IMPG1: variants seen among roughly 807,000 people sequenced by gnomAD.
IMPG1 encodes the protein interphotoreceptor matrix proteoglycan of 150 kDa.
IMPG1 carries 85 observed loss-of-function variants against 92.0 expected under a neutral mutation model. The observed-to-expected ratio is 0.92, with a 90% CI of 0.78 to 1.11. The LOEUF (loss-of-function observed/expected upper bound fraction) is 1.11. IMPG1 is among the 50% of genes least tolerant of loss of function. The pLI is 0.00. For missense variants in IMPG1, 1,022 were observed against 956.0 expected, an observed-to-expected ratio of 1.07 and a Z score of -0.91; for synonymous variants, 367 against 334.1, an observed-to-expected ratio of 1.10 and a Z score of -1.08.
chr6:76,062,629 G>A (rs1784225851), intron 1 of IMPG1, among the ~76,000 whole-genome samples: 1 of 152,132 alleles, frequency 6.6e-6, no homozygotes, highest in South Asian at 2.1e-4. Flanking sequence ...CAATCGTTAT[G>A]CTTACCAGCT....
At chr6:76,002,611 T>C (rs944419582) in intron 12 of IMPG1, among the ~76,000 whole-genome samples, 2 of 152,086 alleles carry the variant, frequency 1.3e-5, no homozygotes, top group African/African-American at 2.4e-5. Flanking sequence ...CCAGAGGAGA[T>C]TGTTGTTCTG....
chr6:75,964,416 C>A (rs1310592616), intron 12 of IMPG1, among the ~76,000 whole-genome samples: 2 of 152,058 alleles, frequency 1.3e-5, no homozygotes, highest in African/African-American at 2.4e-5. Flanking sequence ...CAGTGGCTCA[C>A]GCCTGTAATC....
chr6:75,974,363 CTTT>C (rs1782480887), intron 12 of IMPG1, among the ~76,000 whole-genome samples: 7 of 96,216 alleles, frequency 7.3e-5, no homozygotes, highest in African/African-American at 2.5e-4. Flanking sequence ...TTCTTTCTTT[CTTT>C]CTTTCTTTCT....
At chr6:76,021,226 T>C (rs1318534401) in intron 6 of IMPG1, among the ~76,000 whole-genome samples, 1 of 152,182 alleles carries the variant, frequency 6.6e-6, no homozygotes, top group Admixed American at 6.5e-5. Context: ...CCAGAAAATG[T>C]TTAAATTTAC....
At chr6:75,956,032 G>A (rs1782114270) in intron 12 of IMPG1, among the ~76,000 whole-genome samples, 1 of 152,146 alleles carries the variant, frequency 6.6e-6, no homozygotes, top group Non-Finnish European at 1.5e-5. Context: ...TTGCATCAAT[G>A]TTCATCAGGG....
intron 12 of IMPG1, among the ~76,000 whole-genome samples, chr6:75,989,816 C>T (rs1470857338): frequency 1.3e-5 from 2 of 152,148 alleles, no homozygotes. Context: ...GTACTCCAGC[C>T]TGGGTGCCAT....
intron 12 of IMPG1, among the ~76,000 whole-genome samples, chr6:75,960,495 T>C (rs994649665): frequency 6.6e-6 from 1 of 152,220 alleles, no homozygotes; most frequent in Non-Finnish European, 1.5e-5. Context: ...ATTATTATTT[T>C]TAATCTGAAA....
intron 12 of IMPG1, among the ~76,000 whole-genome samples, chr6:75,976,453 T>C (rs1782534689): frequency 6.6e-6 from 1 of 152,184 alleles, no homozygotes. Flanking sequence ...TCCCAGCTAC[T>C]TGGGAGGCTG....
In IMPG1 at chr6:75,933,565, G is replaced by C. The variant is rs1054099737; in HGVS notation, c.2045-2414C>G. Among the ~76,000 whole-genome samples, 3 of 152,268 alleles carry C rather than the reference G, an allele frequency of 2.0e-5. No individual in the cohort carries two copies. The South Asian group carries it at 6.2e-4, about 32-fold the overall frequency. Reference sequence around the variant, plus strand: ...GAGACAGTCCAGGGCACTTGACCTCGGCAAGCTGAACAGTGTCAGTGGCTG... The same window carrying C: ...GAGACAGTCCAGGGCACTTGACCTCCGCAAGCTGAACAGTGTCAGTGGCTG... On this transcript the variant is annotated intron_variant, in intron 14 of 16. Transcript: ENST00000369950.
intron 1 of IMPG1, among the ~76,000 whole-genome samples, chr6:76,060,212 C>T (rs1784181844): frequency 6.6e-6 from 1 of 152,180 alleles, no homozygotes; most frequent in African/African-American, 2.4e-5. Context: ...CACAGAAAGA[C>T]ATTGTTTCCT....
chr6:75,951,230 T>G lies in IMPG1; in HGVS notation c.1292-136A>C. On this transcript the variant is annotated intron_variant, in intron 12 of 16. Coordinates refer to ENST00000369950, the MANE Select transcript of IMPG1 (RefSeq NM_001563.4). ...TAGATCATTTCAATAGTCATTTTTT[T>G]TTTTTTAAAGAAGAGAAATTGGAAC... 2 of 685,076 alleles carry G rather than the reference T, an allele frequency of 2.9e-6. 1 individual carries two copies. 42.4% of individuals were successfully genotyped at this position (685,076 alleles called of 1,614,324 possible). A position where few individuals can be genotyped will look rare whatever the true frequency, so the allele number is the denominator to read the frequency against.
rs1314006739 is a variant in IMPG1 at position 76,042,076 on chromosome 6, G to C, written c.118C>G (p.Pro40Ala). The C allele has an allele frequency of 3.1e-6, 5 of 1,608,654 alleles. No individual in the cohort carries two copies. Among genetic ancestry groups the C allele is most frequent in the Non-Finnish European group, 4.3e-6 (5 of 1,175,298 alleles). Residue 40 changes from proline to alanine, a missense_variant, in exon 2 of 17, where the codon CCA becomes GCA. Around this residue, in one of 3 missense-constraint regions of IMPG1, gnomAD observed 681 missense variants for 583.6 expected, o/e 1.17. Transcript: ENST00000369950. ...GTACTTTCAGTTGTTTCATTTCTTGGGGGATTGTCTATGTCTTTAGTTTCA... is the reference window on the plus strand; with the variant it reads ...GTACTTTCAGTTGTTTCATTTCTTGCGGGATTGTCTATGTCTTTAGTTTCA... ...HSETKDIDNP[P>A]RNETTESTEK...
At chr6:76,007,452 A>G (rs1783117599) in intron 9 of IMPG1, 28 bp downstream of exon 9, 1 of 1,548,892 alleles carries the variant, frequency 6.5e-7, no homozygotes. Context: ...GGAATGTACT[A>G]TATTTCAAAA....
chr6:75,926,697 T>C (rs1269379537), intron 15 of IMPG1, among the ~76,000 whole-genome samples: 2 of 151,940 alleles, frequency 1.3e-5, no homozygotes, highest in Non-Finnish European at 2.9e-5. Flanking sequence ...ATACTGATAA[T>C]TGTGAGTAAT....
rs745936741 is a variant in IMPG1, at chr6:75,947,518, G to T, written c.1840C>A (p.Arg614=). 5.0e-6 allele frequency: 8 copies of T among 1,612,666 alleles called. No homozygotes were observed. The highest frequency in any genetic ancestry group is 5.9e-6 in the Non-Finnish European group (7 of 1,179,122). Residue 614 remains arginine, a synonymous_variant, in exon 14 of 17, where the codon CGA becomes AGA. Coordinates refer to ENST00000369950, the MANE Select transcript of IMPG1 (RefSeq NM_001563.4). The part of the protein sequence containing the change: ...QFTQLLVPYL[R]SNLTGFKQLE... ...TGCTTAAATCCTGTAAGATTGGATC[G>T]TAGATATGGAACCAGCTGCAAAATA...
At chr6:75,928,028 G>C (rs190683936) in intron 15 of IMPG1, among the ~76,000 whole-genome samples, 1 of 152,170 alleles carries the variant, frequency 6.6e-6, no homozygotes, top group African/African-American at 2.4e-5. Context: ...ACTAAAGAAA[G>C]AGAAATGTTT....
chr6:76,063,114 G>A (rs1382912174), intron 1 of IMPG1, among the ~76,000 whole-genome samples: 1 of 151,970 alleles, frequency 6.6e-6, no homozygotes, highest in Non-Finnish European at 1.5e-5. Flanking sequence ...TGAGGCAGGC[G>A]AATCGCTGGA....
intron 12 of IMPG1, among the ~76,000 whole-genome samples, chr6:75,976,391 G>C (rs573377310): frequency 6.6e-6 from 1 of 152,012 alleles, no homozygotes; most frequent in Non-Finnish European, 1.5e-5. Context: ...GTGAAACCAC[G>C]TCTCTACCAA....
intron 1 of IMPG1, among the ~76,000 whole-genome samples, chr6:76,054,839 A>ACAAAGG (rs80350408): frequency 0.28 from 42,726 of 151,718 alleles, 6,138 homozygotes; most frequent in Middle Eastern, 0.33. Context: ...AGAAGACATT[A>ACAAAGG]CAAAGGCAAA....
Sources: allele counts gnomAD v4.1 joint callset (sites outside exome capture counted in the v4.1 genomes callset), GRCh38; gene constraint gnomAD v4.1.1; regional missense constraint gnomAD v4.1.1; transcripts MANE v1.5; gene names NCBI Gene and HGNC (gene_info 2026-07-23, HGNC 2026-07-21).